The following PCDH15 variants were observed in gnomAD, a reference collection of about 807,000 sequenced individuals.
PCDH15 encodes protocadherin related 15, also known as protocadherin-15.
A neutral mutation model predicts 178.5 loss-of-function variants in PCDH15; 129 were observed. The ratio of observed to expected loss-of-function variants is 0.72; its 90% CI spans 0.63 to 0.84. The LOEUF (loss-of-function observed/expected upper bound fraction) is 0.84, where lower values mean the gene tolerates loss of function less well. PCDH15 is among the 40% of genes least tolerant of loss of function. PCDH15 has a pLI of 0.00. For synonymous variants in PCDH15, 800 were observed against 732.0 expected (o/e 1.09, Z -1.50); for missense variants, 2,230 against 2,099.9 (o/e 1.06, Z -1.21).
At chr10:53,891,096 T>TC (rs397803405) in intron 26 of PCDH15, among the ~76,000 whole-genome samples, 4 of 151,902 alleles carry the variant, frequency 2.6e-5, no homozygotes, top group Admixed American at 1.3e-4. Flanking sequence ...CCTCATTTTT[T>TC]CCCCTTATAT....
At chr10:54,362,435 T>C (rs1185736073) in intron 5 of PCDH15, among the ~76,000 whole-genome samples, 1 of 152,110 alleles carries the variant, frequency 6.6e-6, no homozygotes. Flanking sequence ...TGTCAATATT[T>C]ACCAAAAAAC....
chr10:55,220,894 T>G (rs1433378791), intron 1 of PCDH15, among the ~76,000 whole-genome samples: 1 of 152,102 alleles, frequency 6.6e-6, no homozygotes, highest in Non-Finnish European at 1.5e-5. Context: ...CTCACTGGGC[T>G]TTATTTTTCT....
chr10:55,323,438 G>A (rs551861091), upstream of PCDH15, among the ~76,000 whole-genome samples: 1 of 152,184 alleles, frequency 6.6e-6, no homozygotes, highest in East Asian at 1.9e-4. Context: ...AACAGCCTAT[G>A]AAAGCGGCCT....
At chr10:54,797,627 C>G (rs1952176102) in intron 1 of PCDH15, among the ~76,000 whole-genome samples, 1 of 151,688 alleles carries the variant, frequency 6.6e-6, no homozygotes, top group Non-Finnish European at 1.5e-5. Flanking sequence ...TTACAGGTTT[C>G]TTATTCATTT....
At chr10:54,139,679 G>C (rs1297210646) in intron 14 of PCDH15, among the ~76,000 whole-genome samples, 1 of 151,800 alleles carries the variant, frequency 6.6e-6, no homozygotes, top group Non-Finnish European at 1.5e-5. Context: ...TGTTTTTATT[G>C]AGAAAACGAA....
intron 1 of PCDH15, among the ~76,000 whole-genome samples, chr10:54,704,458 G>A (rs1436040285): frequency 6.6e-6 from 1 of 151,436 alleles, no homozygotes; most frequent in Non-Finnish European, 1.5e-5. Context: ...CTTAAATTAA[G>A]AAGCAAAACA....
rs1415456489 is a variant in PCDH15, at chr10:54,032,019, G to A, written c.2221-8822C>T. 2.0e-5 allele frequency among the ~76,000 whole-genome samples: 3 copies of A among 151,622 alleles called. No homozygotes were observed. The East Asian group carries it at 5.8e-4, about 29-fold the overall frequency. ...GTTGAGTGTGTATATACCTCTTTATGTGATGGTAAAAAAAATTATATATTA... is the reference window on the plus strand; with the variant it reads ...GTTGAGTGTGTATATACCTCTTTATATGATGGTAAAAAAAATTATATATTA... On this transcript the variant is annotated intron_variant, in intron 18 of 37. Coordinates refer to ENST00000644397, the MANE Select transcript of PCDH15 (RefSeq NM_001384140.1).
intron 1 of PCDH15, among the ~76,000 whole-genome samples, chr10:54,743,021 C>G (rs1945006784): frequency 6.6e-6 from 1 of 151,904 alleles, no homozygotes; most frequent in African/African-American, 2.4e-5. Context: ...TAGGTGTCCA[C>G]AACACAGTGC....
intron 1 of PCDH15, among the ~76,000 whole-genome samples, chr10:55,240,582 A>G (rs1841515092): frequency 6.6e-6 from 1 of 152,158 alleles, no homozygotes; most frequent in South Asian, 2.1e-4. Context: ...AATACAATAG[A>G]TGTAAAATAA....
intron 2 of PCDH15, among the ~76,000 whole-genome samples, chr10:55,585,769 A>G (rs1447441767): frequency 6.6e-6 from 1 of 151,908 alleles, no homozygotes; most frequent in Non-Finnish European, 1.5e-5. Context: ...GTGTATATAT[A>G]TGTGTGTGTG....
At chr10:55,089,938 T>A (rs1340065701) in intron 2 of PCDH15, among the ~76,000 whole-genome samples, 2 of 152,112 alleles carry the variant, frequency 1.3e-5, no homozygotes, top group South Asian at 2.1e-4. Flanking sequence ...TTGTTCTAAC[T>A]TTTAGTTACC....
chr10:55,521,394 C>T (rs374856200), intron 2 of PCDH15, among the ~76,000 whole-genome samples: 58 of 152,028 alleles, frequency 3.8e-4, no homozygotes, highest in African/African-American at 1.2e-3. Context: ...GCACAGCAAA[C>T]GGTCTTCAAC....
At chr10:54,239,567 A>G (rs980708720) in intron 8 of PCDH15, among the ~76,000 whole-genome samples, 5 of 151,994 alleles carry the variant, frequency 3.3e-5, no homozygotes, top group African/African-American at 1.2e-4. Context: ...AAAATATTTT[A>G]CATAAAGCCA....
At chr10:55,245,410 T>C (rs1441376418) in intron 1 of PCDH15, among the ~76,000 whole-genome samples, 1 of 152,146 alleles carries the variant, frequency 6.6e-6, no homozygotes, top group Non-Finnish European at 1.5e-5. Context: ...TATTACTGTA[T>C]TATTGTGTTC....
At chr10:54,425,527 A>G (rs1956172809) in intron 3 of PCDH15, among the ~76,000 whole-genome samples, 2 of 152,304 alleles carry the variant, frequency 1.3e-5, no homozygotes, top group African/African-American at 2.4e-5. Context: ...ATATACTGCT[A>G]TAAGTAACAT....
intron 15 of PCDH15, among the ~76,000 whole-genome samples, chr10:54,112,867 A>G (rs939883502): frequency 6.6e-6 from 1 of 152,212 alleles, no homozygotes; most frequent in African/African-American, 2.4e-5. Context: ...AAGAAGTCTC[A>G]TGGATGTTTG....
rs553171711 is a variant in PCDH15, at chr10:54,090,015, C to A, written c.1966G>T (p.Asp656Tyr). The change falls in exon 16 of 38, where the codon GAT becomes TAT. Residue 656 changes from aspartate to tyrosine, a missense_variant. Coordinates refer to ENST00000644397, the MANE Select transcript of PCDH15 (RefSeq NM_001384140.1). ...GAAAGATTAAAAACTCTCTGAGGATCTCCATTCTCAATGGCATATGTTATT... is the reference window on the plus strand; with the variant it reads ...GAAAGATTAAAAACTCTCTGAGGATATCCATTCTCAATGGCATATGTTATT... ...DSITYAIENG[D>Y]PQRVFNLSET... 6.2e-7 allele frequency: 1 copy of A among 1,612,446 alleles called. No homozygotes were observed. The highest frequency in any genetic ancestry group is 2.2e-5 in the East Asian group (1 of 44,784).
At chr10:54,094,049 G>C (rs893208163) in intron 15 of PCDH15, among the ~76,000 whole-genome samples, 1 of 152,142 alleles carries the variant, frequency 6.6e-6, no homozygotes, top group Admixed American at 6.6e-5. Flanking sequence ...TTTAACGGGG[G>C]AGATTCTGGA....
chr10:54,288,366 C>T (rs1025198270), intron 8 of PCDH15, among the ~76,000 whole-genome samples: 17 of 151,892 alleles, frequency 1.1e-4, no homozygotes, highest in African/African-American at 3.9e-4. Flanking sequence ...GAGAAACATC[C>T]TTTTTTCTGG....
Sources: gnomAD v4.1 joint callset for allele counts (sites outside exome capture counted in the v4.1 genomes callset) on GRCh38, gnomAD v4.1.1 for gene constraint, MANE v1.5 for transcripts, NCBI Gene and HGNC (gene_info 2026-07-23, HGNC 2026-07-21) for gene names.